Variants in SEC24D observed in about 807,000 individuals in gnomAD.
SEC24D encodes the protein protein transport protein Sec24D.
In SEC24D, 69 loss-of-function variants were observed where a neutral mutation model predicts 116.9. The ratio of observed to expected loss-of-function variants is 0.59; its 90% CI spans 0.49 to 0.72. The LOEUF (loss-of-function observed/expected upper bound fraction) is 0.72. Ranked by LOEUF, SEC24D falls within the 30% of genes least tolerant of loss-of-function variation. SEC24D has a pLI of 0.00. For synonymous variants in SEC24D, 405 were observed against 442.8 expected, an observed-to-expected ratio of 0.91 and a Z score of 1.07; for missense variants, 1,131 against 1,264.1, an observed-to-expected ratio of 0.89 and a Z score of 1.60.
At chr4:118,737,828 C>T (rs1578382923) in intron 19 of SEC24D, among the ~76,000 whole-genome samples, 1 of 152,058 alleles carries the variant, frequency 6.6e-6, no homozygotes, top group East Asian at 1.9e-4. Flanking sequence ...GTAAAGAATT[C>T]CTGTATTTAT....
chr4:118,829,497 G>C (rs772003896), intron 2 of SEC24D, among the ~76,000 whole-genome samples: 10 of 151,986 alleles, frequency 6.6e-5, no homozygotes, highest in Non-Finnish European at 1.3e-4. Flanking sequence ...GAGTAACAGA[G>C]CAAGACCTTG....
At chr4:118,790,306 T>G (rs1728839825) in intron 8 of SEC24D, among the ~76,000 whole-genome samples, 1 of 152,182 alleles carries the variant, frequency 6.6e-6, no homozygotes, top group Non-Finnish European at 1.5e-5. Flanking sequence ...GGTTTATAGG[T>G]GAAATTACTT....
At chr4:118,793,974 A>T (rs919252465) in intron 8 of SEC24D, among the ~76,000 whole-genome samples, 4 of 152,172 alleles carry the variant, frequency 2.6e-5, no homozygotes, top group Non-Finnish European at 5.9e-5. Flanking sequence ...GCGTCTCCCT[A>T]AGTCAGATTC....
chr4:118,753,964 G>A (rs1726959554), intron 11 of SEC24D: 1 of 152,150 alleles, frequency 6.6e-6, no homozygotes, highest in African/African-American at 2.4e-5. Flanking sequence ...GAGTACAAGG[G>A]AGAGGAAAAT....
intron 11 of SEC24D, 23 bp from the exon 12 acceptor site, chr4:118,752,911 T>A (rs766955335): frequency 1.0e-5 from 15 of 1,501,930 alleles, no homozygotes; most frequent in African/African-American, 1.4e-5. Flanking sequence ...AAAAAAGTGT[T>A]TGAGATGCTT....
chr4:118,773,877 C>G (rs1005260936), intron 8 of SEC24D, among the ~76,000 whole-genome samples: 2 of 152,116 alleles, frequency 1.3e-5, no homozygotes, highest in African/African-American at 4.8e-5. Flanking sequence ...AGGCTATTTA[C>G]CGTACAAGTG....
At chr4:118,785,469 T>G (rs1728627939) in intron 8 of SEC24D, among the ~76,000 whole-genome samples, 1 of 152,116 alleles carries the variant, frequency 6.6e-6, no homozygotes, top group African/African-American at 2.4e-5. Flanking sequence ...ATGGTATGAG[T>G]TGAGCTACAG....
Position 118,758,697 on chromosome 4 carries a change from A to C in SEC24D, c.1297-852T>G, listed in dbSNP as rs1376843301. The C allele has an allele frequency of 3.9e-5, 6 of 152,304 alleles. No individual in the cohort carries two copies. The South Asian group carries it at 8.3e-4, about 21-fold the overall frequency. The allele number at this position is 152,304 out of a possible 1,614,324, so 9.4% of individuals were successfully genotyped here. A position where few individuals can be genotyped will look rare whatever the true frequency, so the allele number is the denominator to read the frequency against. On this transcript the variant is annotated intron_variant, in intron 10 of 22. Transcript: ENST00000280551. ...CATAATAAATCACAAAAATTTTCTA[A>C]AATTGTATTTTAATTATTTTAAAAT...
intron 8 of SEC24D, among the ~76,000 whole-genome samples, chr4:118,787,763 G>A (rs1269583797): frequency 6.6e-6 from 1 of 152,098 alleles, no homozygotes; most frequent in African/African-American, 2.4e-5. Context: ...AACAGAGATT[G>A]TACACCGTAC....
chr4:118,821,739 C>T (rs1164888114), intron 3 of SEC24D, among the ~76,000 whole-genome samples: 1 of 152,198 alleles, frequency 6.6e-6, no homozygotes, highest in East Asian at 1.9e-4. Flanking sequence ...CTTTGACAGC[C>T]TCTGTCATCA....
chr4:118,786,264 G>A (rs1403621464), intron 8 of SEC24D, among the ~76,000 whole-genome samples: 1 of 152,104 alleles, frequency 6.6e-6, no homozygotes, highest in Admixed American at 6.5e-5. Context: ...AAGAAACAAT[G>A]CCAAATTAAA....
In SEC24D at chr4:118,752,017, C is replaced by T. The variant is rs758047714; in HGVS notation, c.1686G>A (p.Gln562=). The change falls in exon 13 of 23, where the codon CAG becomes CAA. Residue 562 remains glutamine (Q), a synonymous_variant. Transcript: ENST00000280551. The part of the protein sequence containing the change: ...ENETVFAPVI[Q]AGMEALKAAD... ...TCACCTTTAGTGCTTCCATGCCAGC[C>T]TGGATGACAGGAGCAAAGACAGTCT... The T allele has an allele frequency of 8.1e-6, 13 of 1,612,314 alleles. No individual in the cohort carries two copies. Among genetic ancestry groups the T allele is most frequent in the Non-Finnish European group, 1.1e-5 (13 of 1,178,680 alleles).
At chr4:118,803,351 A>C (rs1189140866) in intron 7 of SEC24D, among the ~76,000 whole-genome samples, 3 of 152,196 alleles carry the variant, frequency 2.0e-5, no homozygotes, top group African/African-American at 7.2e-5. Context: ...CTTGACATGT[A>C]TTATGCTCTC....
At chr4:118,819,783 T>C (rs2110529855) in intron 3 of SEC24D, among the ~76,000 whole-genome samples, 1 of 152,312 alleles carries the variant, frequency 6.6e-6, no homozygotes, top group Non-Finnish European at 1.5e-5. Flanking sequence ...TTTTTGTTTT[T>C]ACAATACAGG....
rs745894275 is a variant in SEC24D, at chr4:118,764,869, T to C, written c.1229A>G (p.Asp410Gly). 1 of 1,611,320 alleles carries C rather than the reference T, an allele frequency of 6.2e-7. No homozygotes were observed. Among genetic ancestry groups the C allele is most frequent in the Non-Finnish European group, 8.5e-7 (1 of 1,177,692 alleles). The stretch of plus-strand genomic sequence containing the variant: ...AGATAACTCTGGTTTCTCATAGTGG[T>C]CCAGTCTTCTTCCAATGTGGTCCAG... ...QHLDHIGRRLDHYEKPELSLG... is the reference protein window; with the variant it reads ...QHLDHIGRRLGHYEKPELSLG... The change falls in exon 10 of 23, where the codon GAC (aspartate) becomes GGC (glycine). Residue 410 changes from aspartate (D) to glycine (G), a missense_variant. Asp to Gly is a moderately conservative substitution (Grantham distance 94). Transcript: ENST00000280551.
chr4:118,738,308 A>T lies in SEC24D; in HGVS notation c.2449T>A (p.Leu817Met). 1 of 1,613,726 alleles carries T rather than the reference A, an allele frequency of 6.2e-7. No individual in the cohort carries two copies. The highest frequency in any genetic ancestry group is 1.1e-5 in the South Asian group (1 of 91,078). The change falls in exon 19 of 23, where the codon TTG becomes ATG. Residue 817 changes from leucine to methionine, a missense_variant. Physicochemically the swap from Leu to Met is conservative, Grantham distance 15. Transcript: ENST00000280551. ...GCACAATTCTTCCGGTAACATGCCA[A>T]CATATGGGCAGTCTGATTAACTAGA... ...EILVNQTAHMLACYRKNCASP... is the reference protein window; with the variant it reads ...EILVNQTAHMMACYRKNCASP...
rs759590168 is a variant in SEC24D, at chr4:118,799,485, C to T, written c.914-1675G>A. 2.3e-4 allele frequency among the ~76,000 whole-genome samples: 35 copies of T among 152,214 alleles called. 1 individual carries two copies. The highest frequency in any genetic ancestry group is 3.4e-3 in the Middle Eastern group (1 of 294). Reference sequence around the variant, plus strand: ...TGGGCTAAAGTCTGGGGTGGAGATACACATTTGGGAATTCTTAGCATATAG... The same window carrying T: ...TGGGCTAAAGTCTGGGGTGGAGATATACATTTGGGAATTCTTAGCATATAG... On this transcript the variant is annotated intron_variant, in intron 7 of 22. Transcript: ENST00000280551.
chr4:118,787,878 T>C (rs1317937684), intron 8 of SEC24D, among the ~76,000 whole-genome samples: 1 of 152,192 alleles, frequency 6.6e-6, no homozygotes, highest in Non-Finnish European at 1.5e-5. Context: ...AGTGACACTA[T>C]GATAGCTCAC....
At chr4:118,776,132 G>A (rs1211566149) in intron 8 of SEC24D, among the ~76,000 whole-genome samples, 1 of 151,902 alleles carries the variant, frequency 6.6e-6, no homozygotes, top group African/African-American at 2.4e-5. Flanking sequence ...GGGAGAGGAG[G>A]GGAAGGGGTA....
Sources: gnomAD v4.1 joint callset for allele counts (sites outside exome capture counted in the v4.1 genomes callset) on GRCh38, gnomAD v4.1.1 for gene constraint, MANE v1.5 for transcripts, NCBI Gene and HGNC (gene_info 2026-07-23, HGNC 2026-07-21) for gene names.